Variants in CDH20 observed in about 807,000 individuals in gnomAD.
CDH20 encodes cadherin 20.
A neutral mutation model predicts 74.2 loss-of-function variants in CDH20; 29 were observed. The ratio of observed to expected loss-of-function variants is 0.39; its 90% confidence interval spans 0.29 to 0.53. The LOEUF (loss-of-function observed/expected upper bound fraction) is 0.53, where lower values mean the gene tolerates loss of function less well. Ranked by LOEUF, CDH20 falls within the 20% of genes least tolerant of loss-of-function variation. CDH20 has a pLI of 0.69. For missense variants in CDH20, 988 were observed against 1,048.3 expected, an observed-to-expected ratio of 0.94 and a Z score of 0.79; for synonymous variants, 469 against 405.4, an observed-to-expected ratio of 1.16 and a Z score of -1.88.
At chr18:61,527,306 C>T (rs1300236067) in intron 6 of CDH20, among the ~76,000 whole-genome samples, 3 of 127,438 alleles carry the variant, frequency 2.4e-5, no homozygotes, top group Admixed American at 8.9e-5. Flanking sequence ...TGCCTTTGTA[C>T]TCAAGAATAA....
intron 6 of CDH20, among the ~76,000 whole-genome samples, chr18:61,517,695 T>TTTG (rs60265710): frequency 0.011 from 1,737 of 152,024 alleles, 22 homozygotes; most frequent in South Asian, 0.057. Flanking sequence ...TGCAGTTTTT[T>TTTG]TTGTTGTTGT....
At chr18:61,505,011 A>G (rs138597455) in intron 5 of CDH20, among the ~76,000 whole-genome samples, 43 of 152,170 alleles carry the variant, frequency 2.8e-4, no homozygotes, top group African/African-American at 9.4e-4. Context: ...ACATGGATGG[A>G]CTTTGTATTG....
At chr18:61,514,476 C>G (rs777294763) in intron 6 of CDH20, among the ~76,000 whole-genome samples, 79 of 151,910 alleles carry the variant, frequency 5.2e-4, no homozygotes, top group African/African-American at 1.4e-3. Flanking sequence ...TAATTTGATC[C>G]TCTGAAGCCT....
At chr18:61,402,944 G>A (rs1341673319) in intron 1 of CDH20, among the ~76,000 whole-genome samples, 2 of 152,146 alleles carry the variant, frequency 1.3e-5, no homozygotes, top group African/African-American at 4.8e-5. Context: ...GTATATTAAA[G>A]TCCTAACCCT....
intron 1 of CDH20, among the ~76,000 whole-genome samples, chr18:61,417,249 G>T (rs572129666): frequency 2.6e-5 from 4 of 152,132 alleles, no homozygotes; most frequent in Non-Finnish European, 5.9e-5. Context: ...AAAGACTTTG[G>T]TGCTAAATCA....
chr18:61,405,164 G>A, intron 1 of CDH20: 1 of 544,260 alleles, frequency 1.8e-6, no homozygotes, highest in Non-Finnish European at 3.4e-6. Flanking sequence ...GCCTAGAATT[G>A]ATCAACTCCA....
chr18:61,512,571 A>G (rs950098723), intron 6 of CDH20, among the ~76,000 whole-genome samples: 1 of 152,090 alleles, frequency 6.6e-6, no homozygotes, highest in African/African-American at 2.4e-5. Flanking sequence ...TTGTTTCACC[A>G]ATGTTAGATT....
At chr18:61,477,364 C>G (rs1384195715) in intron 1 of CDH20, among the ~76,000 whole-genome samples, 3 of 152,154 alleles carry the variant, frequency 2.0e-5, no homozygotes, top group Non-Finnish European at 2.9e-5. Flanking sequence ...CTAGGGTCAG[C>G]TAATTCCAAC....
chr18:61,426,966 C>T (rs1913091673), intron 1 of CDH20, among the ~76,000 whole-genome samples: 1 of 151,912 alleles, frequency 6.6e-6, no homozygotes, highest in Non-Finnish European at 1.5e-5. Flanking sequence ...ACTGCAATGA[C>T]CGAAGCATGT....
At chr18:61,410,028 A>G (rs1912446800) in intron 1 of CDH20, among the ~76,000 whole-genome samples, 1 of 152,230 alleles carries the variant, frequency 6.6e-6, no homozygotes, top group African/African-American at 2.4e-5. Context: ...TTTAAATTGT[A>G]AATAAAAGCC....
At chr18:61,424,327 A>G (rs892107050) in intron 1 of CDH20, among the ~76,000 whole-genome samples, 2 of 152,256 alleles carry the variant, frequency 1.3e-5, no homozygotes, top group African/African-American at 4.8e-5. Flanking sequence ...TGTGTTTACA[A>G]GCAGTGTGCT....
chr18:61,432,436 G>A (rs1913290139), intron 1 of CDH20, among the ~76,000 whole-genome samples: 1 of 151,758 alleles, frequency 6.6e-6, no homozygotes, highest in South Asian at 2.1e-4. Flanking sequence ...TACTTTTTTT[G>A]GTAGATAATA....
chr18:61,551,585 A>T (rs1400163806), intron 11 of CDH20, among the ~76,000 whole-genome samples: 2 of 152,222 alleles, frequency 1.3e-5, no homozygotes, highest in Non-Finnish European at 2.9e-5. Context: ...GAAGAGTATA[A>T]ATAAGTAACC....
At chr18:61,417,718 G>C (rs72991847) in intron 1 of CDH20, among the ~76,000 whole-genome samples, 29,098 of 151,912 alleles carry the variant, frequency 0.19, 2,968 homozygotes, top group Non-Finnish European at 0.23. Context: ...TAGTTAGATA[G>C]GAGGAGTAAG....
intron 6 of CDH20, among the ~76,000 whole-genome samples, chr18:61,526,150 C>T (rs1599146995): frequency 9.5e-6 from 1 of 105,302 alleles, no homozygotes. Flanking sequence ...TTTTTTGAGA[C>T]AGAGTTTCAC....
chr18:61,466,449 A>C (rs1177861815), intron 1 of CDH20, among the ~76,000 whole-genome samples: 1 of 152,212 alleles, frequency 6.6e-6, no homozygotes, highest in Non-Finnish European at 1.5e-5. Flanking sequence ...CTAGTCACGC[A>C]GAGTTACGGG....
At chr18:61,515,721 T>A (rs1911976839) in intron 6 of CDH20, among the ~76,000 whole-genome samples, 1 of 139,940 alleles carries the variant, frequency 7.1e-6, no homozygotes, top group Non-Finnish European at 1.5e-5. Context: ...TAGGTAGAAT[T>A]GAACAATGAG....
chr18:61,334,930 C>A (rs539026131), intron 1 of CDH20, among the ~76,000 whole-genome samples: 171 of 152,254 alleles, frequency 1.1e-3, no homozygotes, highest in African/African-American at 3.9e-3. Context: ...GCCGCCTCCC[C>A]TCAAATGAAA....
intron 6 of CDH20, among the ~76,000 whole-genome samples, chr18:61,523,217 G>GAAA (rs139418851): frequency 3.4e-5 from 5 of 145,574 alleles, no homozygotes; most frequent in African/African-American, 1.2e-4. Context: ...AAATTTACAA[G>GAAA]AAAAAAAAAA....
Sources: allele counts gnomAD v4.1 joint callset (sites outside exome capture counted in the v4.1 genomes callset), GRCh38; gene constraint gnomAD v4.1.1; transcripts MANE v1.5; gene names NCBI Gene and HGNC (gene_info 2026-07-23, HGNC 2026-07-21).